The following AKR1C8 variants were observed in gnomAD, a reference collection of about 807,000 sequenced individuals.
AKR1C8 encodes the protein aldo-keto reductase family 1 member C8, also known as aldo-keto reductase family 1 member C-like protein 1.
At chr10:5,173,664 A>G in the AKR1C8 span, among the ~76,000 whole-genome samples, 1 of 151,728 alleles carries the variant, frequency 6.6e-6, no homozygotes, top group Non-Finnish European at 1.5e-5. Context: ...AAAAAAATCT[A>G]CTCAGACTTT....
the AKR1C8 span, among the ~76,000 whole-genome samples, chr10:5,124,044 A>G: frequency 6.6e-6 from 1 of 152,174 alleles, no homozygotes; most frequent in African/African-American, 2.4e-5. Context: ...AAGCAACTCC[A>G]TGGACCAGAT....
At chr10:5,144,301 G>C in the AKR1C8 span, among the ~76,000 whole-genome samples, 45 of 152,232 alleles carry the variant, frequency 3.0e-4, no homozygotes, top group African/African-American at 1.1e-3. Flanking sequence ...TTGAAGTCAG[G>C]TAGCGTGATG....
chr10:5,160,391 GA>G, the AKR1C8 span, among the ~76,000 whole-genome samples: 1 of 151,208 alleles, frequency 6.6e-6, no homozygotes. Context: ...AAAAAAAAAT[GA>G]AAAAAAATCA....
the AKR1C8 span, chr10:5,122,120 G>A: frequency 2.6e-6 from 1 of 381,336 alleles, no homozygotes; most frequent in East Asian, 1.1e-4. Context: ...TTCCGTTGAG[G>A]CTGTCAATGG....
chr10:5,158,475 C>A, the AKR1C8 span: 1 of 372,512 alleles, frequency 2.7e-6, no homozygotes, highest in Non-Finnish European at 5.4e-6. Context: ...CAAACTACAC[C>A]GTTGCTTTTC....
chr10:5,127,392 C>T, the AKR1C8 span, among the ~76,000 whole-genome samples: 1 of 151,976 alleles, frequency 6.6e-6, no homozygotes, highest in Admixed American at 6.6e-5. Flanking sequence ...AGCTCAAAGA[C>T]AAGGCTTTTG....
chr10:5,165,592 C>T, the AKR1C8 span, among the ~76,000 whole-genome samples: 160 of 152,224 alleles, frequency 1.1e-3, 3 homozygotes, highest in East Asian at 0.021. Context: ...TCCCCATCAG[C>T]GGGAGGACAG....
At chr10:5,119,748 C>G in the AKR1C8 span, among the ~76,000 whole-genome samples, 1 of 152,104 alleles carries the variant, frequency 6.6e-6, no homozygotes, top group Non-Finnish European at 1.5e-5. Flanking sequence ...TAGTATCACT[C>G]AATAGCTCAT....
the AKR1C8 span, chr10:5,162,739 C>A: frequency 1.4e-5 from 5 of 370,284 alleles, no homozygotes; most frequent in African/African-American, 4.2e-5. Context: ...CTATAATATG[C>A]CTTCATAATA....
the AKR1C8 span, among the ~76,000 whole-genome samples, chr10:5,180,255 T>C: frequency 0.54 from 82,528 of 152,034 alleles, 23,305 homozygotes; most frequent in Non-Finnish European, 0.6. Context: ...ACCCTGTTTG[T>C]CTGGGTATCC....
At chr10:5,160,380 G>GAA in the AKR1C8 span, among the ~76,000 whole-genome samples, 2 of 149,962 alleles carry the variant, frequency 1.3e-5, no homozygotes, top group Admixed American at 6.7e-5. Context: ...TCTAGAATGG[G>GAA]AAAAAAAAAT....
At chr10:5,121,764 A>C in the AKR1C8 span, among the ~76,000 whole-genome samples, 2 of 152,128 alleles carry the variant, frequency 1.3e-5, no homozygotes, top group African/African-American at 4.8e-5. Context: ...TTCTTTTTTT[A>C]GCATAAATTA....
the AKR1C8 span, among the ~76,000 whole-genome samples, chr10:5,146,091 T>C: frequency 1.3e-4 from 20 of 151,068 alleles, no homozygotes; most frequent in East Asian, 5.9e-4. Context: ...AGTAAACTAT[T>C]GCAAGAACAA....
chr10:5,143,911 G>C, the AKR1C8 span, among the ~76,000 whole-genome samples: 1 of 151,790 alleles, frequency 6.6e-6, no homozygotes, highest in Non-Finnish European at 1.5e-5. Flanking sequence ...GAATACTAAA[G>C]ACTCTATTTC....
chr10:5,179,528 C>T, the AKR1C8 span, among the ~76,000 whole-genome samples: 2 of 152,094 alleles, frequency 1.3e-5, no homozygotes, highest in East Asian at 3.9e-4. Flanking sequence ...GTTGGCCTGC[C>T]TTGCTAGATT....
the AKR1C8 span, chr10:5,154,341 A>G: frequency 3.7e-6 from 1 of 268,678 alleles, no homozygotes; most frequent in East Asian, 8.8e-5. Flanking sequence ...GATGAGATGC[A>G]TTTCTAATAC....
chr10:5,141,167 G>A, the AKR1C8 span, among the ~76,000 whole-genome samples: 1 of 151,984 alleles, frequency 6.6e-6, no homozygotes, highest in Non-Finnish European at 1.5e-5. Flanking sequence ...ATCTCACAAT[G>A]GTTAAGAAAA....
At chr10:5,159,560 G>T in the AKR1C8 span, among the ~76,000 whole-genome samples, 2 of 152,026 alleles carry the variant, frequency 1.3e-5, no homozygotes, top group Non-Finnish European at 1.5e-5. Context: ...ACAAATCCAT[G>T]TCTGTGAGTT....
the AKR1C8 span, among the ~76,000 whole-genome samples, chr10:5,161,468 C>A: frequency 6.6e-6 from 1 of 152,094 alleles, no homozygotes; most frequent in Non-Finnish European, 1.5e-5. Flanking sequence ...GGAGACCCTC[C>A]CACTAAAGAG....
Sources: allele counts gnomAD v4.1 joint callset (sites outside exome capture counted in the v4.1 genomes callset), GRCh38; gene constraint gnomAD v4.1.1; transcripts MANE v1.5; gene names NCBI Gene and HGNC (gene_info 2026-07-23, HGNC 2026-07-21).